Variants in GATA3 observed in about 807,000 individuals in gnomAD.
The protein encoded by GATA3 is trans-acting T-cell-specific transcription factor GATA-3.
A neutral mutation model predicts 36.0 loss-of-function variants in GATA3; 6 were observed. That is an observed-to-expected ratio of 0.17 (90% CI 0.09 to 0.33). The LOEUF (loss-of-function observed/expected upper bound fraction) is 0.33. Ranked by LOEUF, GATA3 falls within the 10% of genes least tolerant of loss-of-function variation. The pLI is 1.00. For missense variants in GATA3, 514 were observed against 610.1 expected (o/e 0.84, Z 1.66); for synonymous variants, 326 against 273.0 (o/e 1.19, Z -1.92).
intron 2 of GATA3, among the ~76,000 whole-genome samples, chr10:8,056,958 A>C (rs903977872): frequency 2.0e-5 from 3 of 152,158 alleles, no homozygotes; most frequent in Non-Finnish European, 4.4e-5. Flanking sequence ...TCCCCTACTC[A>C]GAGCCTGCCT....
chr10:8,050,375 CG>C (rs956810676), upstream of GATA3: 45 of 152,420 alleles, frequency 3.0e-4, no homozygotes, highest in African/African-American at 1.0e-3. Flanking sequence ...GCCGCGGACC[CG>C]GCTGGTGCGG....
chr10:8,050,303 C>A (rs1342468233), upstream of GATA3: 1 of 152,306 alleles, frequency 6.6e-6, no homozygotes, highest in East Asian at 1.9e-4. Context: ...AAAGGCCCCG[C>A]CGGGCCGCTC....
intron 4 of GATA3, among the ~76,000 whole-genome samples, chr10:8,067,556 C>G (rs1336044456): frequency 1.3e-5 from 2 of 152,192 alleles, no homozygotes. Context: ...CGGTGGCTCA[C>G]TCCTGTAATC....
At chr10:8,069,039 T>C (rs1160406111) in intron 4 of GATA3, among the ~76,000 whole-genome samples, 1 of 152,146 alleles carries the variant, frequency 6.6e-6, no homozygotes, top group East Asian at 1.9e-4. Flanking sequence ...TTCTTGGGAG[T>C]TGTGTTTGAA....
intron 3 of GATA3, among the ~76,000 whole-genome samples, chr10:8,061,839 G>C (rs918752649): frequency 1.3e-5 from 2 of 152,214 alleles, no homozygotes; most frequent in Admixed American, 6.5e-5. Flanking sequence ...CAGGAGCCGG[G>C]TGGCAACCAC....
intron 4 of GATA3, among the ~76,000 whole-genome samples, chr10:8,065,247 A>ACTTT (rs1479318456): frequency 7.6e-6 from 1 of 131,330 alleles, no homozygotes; most frequent in Admixed American, 7.6e-5. Flanking sequence ...AGAAGGAAAA[A>ACTTT]CTTTCTTTTT....
intron 5 of GATA3, among the ~76,000 whole-genome samples, chr10:8,072,670 A>G (rs888714527): frequency 9.9e-5 from 15 of 152,190 alleles, no homozygotes; most frequent in African/African-American, 3.1e-4. Context: ...TCTTTACTCT[A>G]GCACATTCTT....
intron 4 of GATA3, 21 bp downstream of exon 4, chr10:8,064,159 G>A (rs1165773626): frequency 1.2e-6 from 2 of 1,614,066 alleles, no homozygotes; most frequent in Non-Finnish European, 1.7e-6. Context: ...GGGAAGGGAT[G>A]GATTCCATGC....
upstream of GATA3, chr10:8,052,907 G>C (rs947229042): frequency 6.7e-6 from 1 of 149,048 alleles, no homozygotes; most frequent in Non-Finnish European, 1.5e-5. Flanking sequence ...CGGGGGGGGG[G>C]GGAGCTTTCT....
upstream of GATA3, chr10:8,050,682 G>C (rs961547919): frequency 8.8e-6 from 2 of 228,550 alleles, no homozygotes; most frequent in Non-Finnish European, 1.8e-5. Context: ...GCTCCGGGGG[G>C]AGGGACTCGG....
rs2131512207 is a variant in GATA3, at chr10:8,069,568, T to C, written c.1020T>C (p.Asn340=). 1.2e-6 allele frequency: 2 copies of C among 1,614,166 alleles called. No homozygotes were observed. The highest frequency in any genetic ancestry group is 1.7e-6 in the Non-Finnish European group (2 of 1,180,026). The part of the protein sequence containing the change: ...RRNANGDPVC[N]ACGLYYKLHN... ...ATGCCAATGGGGACCCTGTCTGCAA[T>C]GCCTGTGGGCTCTACTACAAGCTTC... Residue 340 remains asparagine (N), a synonymous_variant, in exon 5 of 6, where the codon AAT becomes AAC. Transcript: ENST00000379328.
At chr10:8,046,877 C>G (rs1027920554) in intron 1 of GATA3, among the ~76,000 whole-genome samples, 1 of 152,026 alleles carries the variant, frequency 6.6e-6, no homozygotes, top group Middle Eastern at 3.2e-3. Context: ...CAGCTCCCAG[C>G]CAGCTGCCCC....
intron 3 of GATA3, among the ~76,000 whole-genome samples, chr10:8,062,118 A>G (rs1314271615): frequency 6.6e-6 from 1 of 152,120 alleles, no homozygotes; most frequent in African/African-American, 2.4e-5. Flanking sequence ...CCCCACATCC[A>G]GTCTGCCACA....
intron 2 of GATA3, 36 bp from the exon 3 acceptor site, chr10:8,058,269 C>A: frequency 6.2e-7 from 1 of 1,611,476 alleles, no homozygotes; most frequent in South Asian, 1.1e-5. Context: ...CACTCACCCT[C>A]CTTCTCTCTC....
intron 2 of GATA3, among the ~76,000 whole-genome samples, chr10:8,056,102 C>A (rs1205521999): frequency 6.6e-6 from 1 of 152,184 alleles, no homozygotes; most frequent in Admixed American, 6.5e-5. Flanking sequence ...AGAGTCGCAG[C>A]AGGCGCCTCT....
intron 1 of GATA3, among the ~76,000 whole-genome samples, chr10:8,046,079 G>A (rs1832383068): frequency 6.6e-6 from 1 of 152,092 alleles, no homozygotes; most frequent in Admixed American, 6.5e-5. Flanking sequence ...TTGCTTCCAG[G>A]AGCACCCTGA....
intron 1 of GATA3, among the ~76,000 whole-genome samples, chr10:8,047,771 G>A (rs766412501): frequency 1.3e-5 from 2 of 152,200 alleles, no homozygotes; most frequent in African/African-American, 4.8e-5. Flanking sequence ...TAGGGTCCGC[G>A]AGGTGGAAGG....
rs1325423656 is a variant in GATA3 at position 8,055,884 on chromosome 10, C to A, written c.229C>A (p.Pro77Thr). 2 of 1,561,582 alleles carry A rather than the reference C, an allele frequency of 1.3e-6. No homozygotes were observed. The highest frequency in any genetic ancestry group is 2.4e-5 in the East Asian group (1 of 41,658). Residue 77 changes from proline to threonine, a missense_variant, in exon 2 of 6, where the codon CCG (proline) becomes ACG (threonine). Coordinates refer to ENST00000379328, the MANE Select transcript of GATA3 (RefSeq NM_001002295.2). The surrounding 1 kb of genome is among the most constrained non-coding windows in gnomAD (Gnocchi z 5.4). Reference sequence around the variant, plus strand: ...CAGGGCCACGGTGCAGAGGTACCCTCCGACCCACCACGGTGAGTGCGCCCG... The same window carrying A: ...CAGGGCCACGGTGCAGAGGTACCCTACGACCCACCACGGTGAGTGCGCCCG... ...SVRATVQRYP[P>T]THHGSQVCRP... is the part of the protein sequence containing the mutation.
intron 5 of GATA3, among the ~76,000 whole-genome samples, chr10:8,072,371 G>T (rs1306450785): frequency 7.9e-5 from 12 of 152,212 alleles, no homozygotes; most frequent in Admixed American, 7.9e-4. Flanking sequence ...GTCAGGAATG[G>T]CCAGGACACT....
Sources: gnomAD v4.1 joint callset for allele counts (sites outside exome capture counted in the v4.1 genomes callset) on GRCh38, gnomAD v4.1.1 for gene constraint, Gnocchi (gnomAD v3.1) non-coding constraint, MANE v1.5 for transcripts, NCBI Gene and HGNC (gene_info 2026-07-23, HGNC 2026-07-21) for gene names.